Variants in COL22A1 observed in about 807,000 individuals in gnomAD.
COL22A1 encodes collagen alpha-1(XXII) chain.
COL22A1 carries 221 observed loss-of-function variants against 248.9 expected under a neutral mutation model. That is an observed-to-expected ratio of 0.89 (90% confidence interval 0.80 to 0.99). COL22A1 has a LOEUF of 0.99. Ranked by LOEUF, COL22A1 falls within the 50% of genes least tolerant of loss-of-function variation. The probability of loss-of-function intolerance (pLI) is 0.00; values close to 1 mark genes in which losing one functional copy is unlikely to be tolerated. For missense variants in COL22A1, 2,240 were observed against 2,179.0 expected (o/e 1.03, Z -0.56); for synonymous variants, 891 against 793.4 (o/e 1.12, Z -2.07).
chr8:138,603,139 G>A (rs755737958), intron 59 of COL22A1, among the ~76,000 whole-genome samples: 3 of 152,160 alleles, frequency 2.0e-5, no homozygotes, highest in Admixed American at 1.3e-4. Flanking sequence ...AACATTCATC[G>A]CATCCCTTTC....
chr8:138,775,942 T>C, intron 16 of COL22A1, 24 bp downstream of exon 16: 1 of 1,612,040 alleles, frequency 6.2e-7, no homozygotes, highest in South Asian at 1.1e-5. Context: ...GCCGTATTGA[T>C]GAATGAGTGC....
intron 26 of COL22A1, 86 bp from the exon 27 acceptor site, chr8:138,720,878 A>C (rs1316289107): frequency 2.8e-5 from 31 of 1,101,874 alleles, no homozygotes; most frequent in Middle Eastern, 2.1e-4. Context: ...GTTGGAAGGA[A>C]GAGAACTACC....
At chr8:138,750,434 A>C (rs1338049597) in intron 22 of COL22A1, among the ~76,000 whole-genome samples, 1 of 152,218 alleles carries the variant, frequency 6.6e-6, no homozygotes, top group African/African-American at 2.4e-5. Flanking sequence ...GCGCTGAATG[A>C]GAAGAGCAGG....
intron 59 of COL22A1, among the ~76,000 whole-genome samples, chr8:138,604,305 G>T (rs576726507): frequency 3.3e-5 from 5 of 152,240 alleles, no homozygotes; most frequent in African/African-American, 1.2e-4. Flanking sequence ...CTGTCTGCTG[G>T]GTAGAAGACT....
At position 138,878,107 on chromosome 8, in the gene COL22A1, C is replaced by T; in HGVS notation, c.301G>A (p.Val101Ile). Residue 101 changes from valine (V) to isoleucine (I), a missense_variant, in exon 3 of 65, where the codon GTC (valine) becomes ATC (isoleucine). Physicochemically the swap from Val to Ile is conservative, Grantham distance 29 (BLOSUM62 3). Coordinates refer to ENST00000303045, the MANE Select transcript of COL22A1 (RefSeq NM_152888.3). Reference sequence around the variant, plus strand: ...GCGAGACGCCGGGCAGCCGCCTTGACCTCCTCCTGCGAGCCAAAGAGTCCC... The same window carrying T: ...GCGAGACGCCGGGCAGCCGCCTTGATCTCCTCCTGCGAGCCAAAGAGTCCC... The part of the protein sequence containing the change: ...ELGLFGSQEE[V>I]KAAARRLAYH... 1 of 1,602,678 alleles carries T rather than the reference C, an allele frequency of 6.2e-7. No individual in the cohort carries two copies. The highest frequency in any genetic ancestry group is 8.5e-7 in the Non-Finnish European group (1 of 1,175,558).
At chr8:138,755,369 G>T (rs147178631) in intron 20 of COL22A1, 113 bp downstream of exon 20, 4 of 1,315,664 alleles carry the variant, frequency 3.0e-6, no homozygotes, top group African/African-American at 2.9e-5. Flanking sequence ...TGGCAGAAAG[G>T]CAACTGAAGT....
intron 3 of COL22A1, among the ~76,000 whole-genome samples, chr8:138,845,025 A>C (rs1375088296): frequency 6.6e-6 from 1 of 152,062 alleles, no homozygotes; most frequent in Non-Finnish European, 1.5e-5. Context: ...AATGAAATGG[A>C]AATTGTGTGC....
At chr8:138,860,520 GACA>G (rs1185652939) in intron 3 of COL22A1, among the ~76,000 whole-genome samples, 3 of 152,182 alleles carry the variant, frequency 2.0e-5, no homozygotes, top group Non-Finnish European at 4.4e-5. Flanking sequence ...ATGAGTTCAA[GACA>G]ACAACTTTCC....
Position 138,851,755 on chromosome 8 carries a change from C to G in COL22A1, c.659-7597G>C, listed in dbSNP as rs538663583. Among the ~76,000 whole-genome samples, 7 of 152,208 alleles carry G rather than the reference C, an allele frequency of 4.6e-5. No homozygotes were observed. The South Asian group carries it at 1.5e-3, about 32-fold the overall frequency. ...TTCTGAGACCAAACCTTCCTTCATC[C>G]CATGTTTAATGAACACCCAGTATGC... On this transcript the variant is annotated intron_variant, in intron 3 of 64. Coordinates refer to ENST00000303045, the MANE Select transcript of COL22A1 (RefSeq NM_152888.3).
intron 56 of COL22A1, among the ~76,000 whole-genome samples, chr8:138,608,295 T>A (rs1188309039): frequency 6.6e-6 from 1 of 152,208 alleles, no homozygotes; most frequent in African/African-American, 2.4e-5. Context: ...CATTCATTCA[T>A]CTATTCATCC....
chr8:138,823,773 CTTTT>C (rs776344695), intron 6 of COL22A1, among the ~76,000 whole-genome samples: 2 of 152,158 alleles, frequency 1.3e-5, no homozygotes, highest in African/African-American at 4.8e-5. Flanking sequence ...TTTTGTTCAC[CTTTT>C]TTGTCTTTCC....
At chr8:138,691,843 G>GGT (rs1229671590) in intron 35 of COL22A1, among the ~76,000 whole-genome samples, 2 of 63,814 alleles carry the variant, frequency 3.1e-5, no homozygotes, top group East Asian at 1.1e-3. Context: ...TGTATGTGGA[G>GGT]GTGTGTGTGC....
chr8:138,725,336 C>T (rs1318938159), intron 24 of COL22A1, 51 bp downstream of exon 24: 6 of 1,579,922 alleles, frequency 3.8e-6, no homozygotes, highest in East Asian at 2.2e-5. Flanking sequence ...GTCCCACAGG[C>T]CAGGAAACCA....
At chr8:138,785,956 G>A (rs6577948) in intron 12 of COL22A1, among the ~76,000 whole-genome samples, 58,159 of 151,814 alleles carry the variant, frequency 0.38, 13,952 homozygotes, top group African/African-American at 0.69. Context: ...CCAGAGACAA[G>A]GTGAACAGCG....
intron 16 of COL22A1, among the ~76,000 whole-genome samples, chr8:138,770,531 TG>T (rs1834273995): frequency 6.6e-6 from 1 of 152,214 alleles, no homozygotes; most frequent in Admixed American, 6.5e-5. Context: ...TGCTGGACGA[TG>T]GTGGCTGTCT....
chr8:138,627,324 C>T (rs1248318121), intron 50 of COL22A1, among the ~76,000 whole-genome samples: 2 of 152,220 alleles, frequency 1.3e-5, no homozygotes, highest in African/African-American at 2.4e-5. Flanking sequence ...CTTCAGCCCA[C>T]TGCCAGATTT....
At chr8:138,808,166 T>C (rs1017636804) in intron 9 of COL22A1, among the ~76,000 whole-genome samples, 2 of 152,172 alleles carry the variant, frequency 1.3e-5, no homozygotes, top group South Asian at 2.1e-4. Flanking sequence ...CCAGAGGCTA[T>C]GGAGCGGGAG....
chr8:138,816,000 G>A (rs932420059), intron 7 of COL22A1, among the ~76,000 whole-genome samples: 6 of 152,152 alleles, frequency 3.9e-5, no homozygotes, highest in Admixed American at 3.3e-4. Context: ...CCATTCATCT[G>A]TCTGTTTTAT....
intron 58 of COL22A1, 32 bp from the exon 59 acceptor site, chr8:138,604,801 G>A: frequency 6.3e-7 from 1 of 1,576,656 alleles, no homozygotes; most frequent in Non-Finnish European, 8.7e-7. Context: ...CAGTGGCTCT[G>A]CAGCATCAGC....
Sources: gnomAD v4.1 joint callset for allele counts (sites outside exome capture counted in the v4.1 genomes callset) on GRCh38, gnomAD v4.1.1 for gene constraint, MANE v1.5 for transcripts, NCBI Gene and HGNC (gene_info 2026-07-23, HGNC 2026-07-21) for gene names.